HIVEP3: variants seen among roughly 807,000 people sequenced by gnomAD.
HIVEP3 encodes the protein HIVEP zinc finger 3.
In HIVEP3, 49 loss-of-function variants were observed where a neutral mutation model predicts 152.8. That is an observed-to-expected ratio of 0.32 (90% CI 0.26 to 0.41). HIVEP3 has a LOEUF of 0.41. HIVEP3 is among the 10% of genes least tolerant of loss of function. The pLI, the probability that HIVEP3 is intolerant of heterozygous loss-of-function variation, is 1.00. For missense variants in HIVEP3, 2,790 were observed against 3,103.3 expected (o/e 0.90, Z 2.40); for synonymous variants, 1,269 against 1,289.0 (o/e 0.98, Z 0.33).
chr1:41,940,734 A>C (rs984139209), intron 1 of HIVEP3, among the ~76,000 whole-genome samples: 2 of 152,152 alleles, frequency 1.3e-5, no homozygotes, highest in African/African-American at 4.8e-5. Flanking sequence ...CTAAAGAAAA[A>C]AATTGAGAAT....
At chr1:41,527,289 A>ACCC (rs1643006140) in intron 5 of HIVEP3, among the ~76,000 whole-genome samples, 32 of 38,178 alleles carry the variant, frequency 8.4e-4, no homozygotes, top group Non-Finnish European at 1.2e-3. Context: ...ACCCTCACAT[A>ACCC]CACCCTCACA....
At chr1:41,608,020 T>C (rs1644846539) in intron 3 of HIVEP3, among the ~76,000 whole-genome samples, 1 of 152,140 alleles carries the variant, frequency 6.6e-6, no homozygotes, top group African/African-American at 2.4e-5. Context: ...GCTAGGAGGG[T>C]GAGGCAGTGT....
intron 7 of HIVEP3, among the ~76,000 whole-genome samples, chr1:41,517,160 A>G (rs1434280934): frequency 1.3e-5 from 2 of 152,106 alleles, no homozygotes; most frequent in East Asian, 3.9e-4. Flanking sequence ...CAGGGCAGGG[A>G]CCTCAGGGGA....
rs1183537419 is a variant in HIVEP3, at chr1:41,584,456, C to T, written c.342G>A (p.Leu114=). The T allele has an allele frequency of 6.2e-7, 1 of 1,613,996 alleles. No individual in the cohort carries two copies. Among genetic ancestry groups the T allele is most frequent in the East Asian group, 2.2e-5 (1 of 44,892 alleles). ...FMSPGKPEHL[L]EGSTWQLVDP... The stretch of plus-strand genomic sequence containing the variant: ...CAACCAGTTGCCATGTGGACCCCTC[C>T]AGGAGATGCTCAGGTTTGCCAGGCG... The change falls in exon 4 of 9, where the codon CTG becomes CTA. Residue 114 remains leucine, a synonymous_variant. Transcript: ENST00000372583. This position sits in a 1 kb window ranked among gnomAD's most constrained non-coding sequence, Gnocchi z 5.2.
intron 1 of HIVEP3, among the ~76,000 whole-genome samples, chr1:41,742,243 C>T (rs897111283): frequency 1.3e-5 from 2 of 152,274 alleles, no homozygotes; most frequent in African/African-American, 2.4e-5. Context: ...ACCGTCTATC[C>T]ATCCATCTGT....
At chr1:41,667,765 A>G (rs1222395143) in intron 2 of HIVEP3, among the ~76,000 whole-genome samples, 1 of 152,256 alleles carries the variant, frequency 6.6e-6, no homozygotes, top group African/African-American at 2.4e-5. Context: ...ACATCCCAGG[A>G]AAAATTTAGA....
chr1:41,945,729 A>G (rs1645071200), intron 1 of HIVEP3, among the ~76,000 whole-genome samples: 1 of 152,198 alleles, frequency 6.6e-6, no homozygotes. Context: ...AAAACTAGGA[A>G]GAAGCCCATG....
At chr1:41,864,548 G>C (rs909478957) in intron 1 of HIVEP3, 1 of 152,204 alleles carries the variant, frequency 6.6e-6, no homozygotes, top group African/African-American at 2.4e-5. Flanking sequence ...CCGGGCACTG[G>C]AACATGTGTA....
At position 41,664,906 on chromosome 1, in the gene HIVEP3, G is replaced by A. The variant is rs1308442810; in HGVS notation, c.-720-35959C>T. ...GGAGTCCTGAGCTGGCCCTAATGAG[G>A]TGGAGGGGAAGGATGAAGGAAAATG... On this transcript the variant is annotated intron_variant, in intron 2 of 8. Coordinates refer to ENST00000372583, the MANE Select transcript of HIVEP3 (RefSeq NM_024503.5). This position sits in a 1 kb window ranked among gnomAD's most constrained non-coding sequence, Gnocchi z 4.4. Among the ~76,000 whole-genome samples, 1 of 152,186 alleles carries A rather than the reference G, an allele frequency of 6.6e-6. No homozygotes were observed. Among genetic ancestry groups the A allele is most frequent in the Non-Finnish European group, 1.5e-5 (1 of 68,032 alleles).
intron 1 of HIVEP3, among the ~76,000 whole-genome samples, chr1:41,817,798 G>T (rs890010796): frequency 2.6e-5 from 4 of 152,170 alleles, no homozygotes; most frequent in Admixed American, 1.3e-4. Context: ...GTTACCTTGT[G>T]CAATTTCTGG....
intron 2 of HIVEP3, among the ~76,000 whole-genome samples, chr1:41,652,465 C>T (rs897618629): frequency 1.3e-5 from 2 of 152,094 alleles, no homozygotes; most frequent in African/African-American, 2.4e-5. Flanking sequence ...AAGGATTTGG[C>T]ATGGGGCAGG....
intron 1 of HIVEP3, among the ~76,000 whole-genome samples, chr1:41,868,613 C>G (rs761948107): frequency 6.6e-6 from 1 of 152,176 alleles, no homozygotes; most frequent in Non-Finnish European, 1.5e-5. Flanking sequence ...AAACAACAAA[C>G]GATTGCTTTA....
chr1:41,603,301 C>A (rs752324100), intron 3 of HIVEP3, among the ~76,000 whole-genome samples: 1 of 152,060 alleles, frequency 6.6e-6, no homozygotes, highest in East Asian at 1.9e-4. Context: ...CTGCTGACCT[C>A]AGGTGATCCA....
At position 41,511,411 on chromosome 1, in the gene HIVEP3, C is replaced by T. The variant is rs1644454474; in HGVS notation, c.6406-145G>A. ...CTGAGCTGAGCCCAGAACCAAGTTC[C>T]TGACTCCCTGCCCACAGATGCTGAG... On this transcript the variant is annotated intron_variant, in intron 8 of 8. Coordinates refer to ENST00000372583, the MANE Select transcript of HIVEP3 (RefSeq NM_024503.5). The surrounding 1 kb of genome is among the most constrained non-coding windows in gnomAD (Gnocchi z 4.9). 1.4e-6 allele frequency: 1 copy of T among 729,608 alleles called. No individual in the cohort carries two copies. The highest frequency in any genetic ancestry group is 2.2e-6 in the Non-Finnish European group (1 of 456,024). 45.2% of individuals were successfully genotyped at this position (729,608 alleles called of 1,614,324 possible).
intron 1 of HIVEP3, among the ~76,000 whole-genome samples, chr1:41,840,241 C>T (rs907064573): frequency 1.3e-5 from 2 of 152,166 alleles, no homozygotes; most frequent in African/African-American, 4.8e-5. Context: ...GAAATAGAGT[C>T]TTTGCAGATA....
At chr1:41,577,793 T>C (rs913739692) in intron 4 of HIVEP3, among the ~76,000 whole-genome samples, 2 of 152,160 alleles carry the variant, frequency 1.3e-5, no homozygotes, top group Middle Eastern at 3.2e-3. Flanking sequence ...CATCATGAGA[T>C]GGTGAGTTCC....
At chr1:41,814,014 C>T (rs1651116717) in intron 1 of HIVEP3, among the ~76,000 whole-genome samples, 1 of 152,188 alleles carries the variant, frequency 6.6e-6, no homozygotes, top group Admixed American at 6.5e-5. Context: ...GCCTCCTCCC[C>T]ACCCCTACAC....
intron 1 of HIVEP3, among the ~76,000 whole-genome samples, chr1:41,718,462 C>G (rs902171768): frequency 5.9e-5 from 9 of 152,194 alleles, no homozygotes; most frequent in Non-Finnish European, 8.8e-5. Context: ...GCAAATGCTT[C>G]TAACACTTGC....
In HIVEP3 at chr1:41,511,025, C is replaced by T; in HGVS notation, c.6647G>A (p.Gly2216Glu). ...GCCACTGACCCAGGCTGCGGTGGGC[C>T]CTGGCAGCAGGGTGGGGTGGGCTCC... ...RPGAHPTLLP[G>E]PTAAWVSGFS... is the part of the protein sequence containing the mutation. Residue 2216 changes from glycine to glutamate, a missense_variant, in exon 9 of 9, where the codon GGG becomes GAG. Gly to Glu is a moderately conservative substitution (Grantham distance 98). Transcript: ENST00000372583. This position sits in a 1 kb window ranked among gnomAD's most constrained non-coding sequence, Gnocchi z 4.9. 6.2e-7 allele frequency: 1 copy of T among 1,613,490 alleles called. No individual in the cohort carries two copies. The highest frequency in any genetic ancestry group is 8.5e-7 in the Non-Finnish European group (1 of 1,179,686).
Sources: gnomAD v4.1 joint callset for allele counts (sites outside exome capture counted in the v4.1 genomes callset) on GRCh38, gnomAD v4.1.1 for gene constraint, Gnocchi (gnomAD v3.1) non-coding constraint, MANE v1.5 for transcripts, NCBI Gene and HGNC (gene_info 2026-07-23, HGNC 2026-07-21) for gene names.